CANX: variants seen among roughly 807,000 people sequenced by gnomAD.
The protein encoded by CANX is epididymis secretory sperm binding protein.
A neutral mutation model predicts 75.7 loss-of-function variants in CANX; 14 were observed. The observed-to-expected ratio is 0.19, with a 90% CI of 0.12 to 0.29. The LOEUF (loss-of-function observed/expected upper bound fraction) is 0.29, where lower values mean the gene tolerates loss of function less well. Ranked by LOEUF, CANX falls within the 10% of genes least tolerant of loss-of-function variation. The pLI is 1.00. For missense variants in CANX, 567 were observed against 713.2 expected, an observed-to-expected ratio of 0.79 and a Z score of 2.34; for synonymous variants, 227 against 236.9, an observed-to-expected ratio of 0.96 and a Z score of 0.38.
At position 179,702,829 on chromosome 5, in the gene CANX, G is replaced by C. The variant is rs187433450; in HGVS notation, c.-3-2850G>C. The stretch of plus-strand genomic sequence containing the variant: ...GTTGGCCAGGCTGCAGTGCAGTGGC[G>C]TGATTTCAACTCACACTGCAAACTC... On this transcript the variant is annotated intron_variant, in intron 1 of 14. Transcript: ENST00000247461. 5.3e-5 allele frequency among the ~76,000 whole-genome samples: 8 copies of C among 151,708 alleles called. No individual in the cohort carries two copies. The East Asian group carries it at 1.6e-3, about 29-fold the overall frequency.
chr5:179,690,881 T>A (rs1276771141), intron 1 of CANX, among the ~76,000 whole-genome samples: 1 of 151,548 alleles, frequency 6.6e-6, no homozygotes, highest in African/African-American at 2.4e-5. Flanking sequence ...AGAGTGAGAC[T>A]CTCTCAAAAA....
At chr5:179,723,628 G>C in intron 11 of CANX, 32 bp from the exon 12 acceptor site, 1 of 1,604,470 alleles carries the variant, frequency 6.2e-7, no homozygotes, top group Non-Finnish European at 8.5e-7. Flanking sequence ...TCAAAAGCTG[G>C]AACTTTCAAT....
chr5:179,679,158 G>A (rs898840513), intron 1 of CANX: 2 of 1,535,306 alleles, frequency 1.3e-6, no homozygotes, highest in African/African-American at 2.7e-5. Flanking sequence ...ACCTTGTAGG[G>A]CACGCAGGTG....
In CANX at chr5:179,730,443, C is replaced by T. The variant is rs1778927509; in HGVS notation, c.*1799C>T. 1 of 152,202 alleles carries T rather than the reference C, an allele frequency of 6.6e-6. No individual in the cohort carries two copies. Among genetic ancestry groups the T allele is most frequent in the African/African-American group, 2.4e-5 (1 of 41,440 alleles). 9.4% of individuals were successfully genotyped at this position (152,202 alleles called of 1,614,324 possible). Reference sequence around the variant, plus strand: ...ATTGATTACAAATAAACAGTTGTTACTTAGCAAGACCTGAAAATATGTCTG... The same window carrying T: ...ATTGATTACAAATAAACAGTTGTTATTTAGCAAGACCTGAAAATATGTCTG... On this transcript the variant is annotated 3_prime_UTR_variant, in exon 15 of 15. Transcript: ENST00000247461.
chr5:179,718,686 G>A (rs1000599928), intron 8 of CANX, among the ~76,000 whole-genome samples: 1 of 151,930 alleles, frequency 6.6e-6, no homozygotes, highest in Non-Finnish European at 1.5e-5. Context: ...GTGCCACCAC[G>A]CCCAGCTAAT....
At chr5:179,711,634 C>T (rs1001889505) in intron 7 of CANX, among the ~76,000 whole-genome samples, 1 of 149,922 alleles carries the variant, frequency 6.7e-6, no homozygotes, top group African/African-American at 2.5e-5. Flanking sequence ...ACTAAAAATA[C>T]AAAAATTAGC....
chr5:179,679,804 G>A (rs1186198704), intron 1 of CANX, among the ~76,000 whole-genome samples: 2 of 151,876 alleles, frequency 1.3e-5, no homozygotes, highest in Non-Finnish European at 2.9e-5. Flanking sequence ...GATTACAGGC[G>A]CCTGCCATCA....
Position 179,708,351 on chromosome 5 carries a change from C to T in CANX, c.417C>T (p.Phe139=), listed in dbSNP as rs1777302401. The change falls in exon 5 of 15, where the codon TTC becomes TTT. Residue 139 remains phenylalanine, a synonymous_variant. Coordinates refer to ENST00000247461, the MANE Select transcript of CANX (RefSeq NM_001746.4). ...HAISAKLNKP[F]LFDTKPLIVQ... is the part of the protein sequence containing the mutation. ...TCTCTGCTAAACTGAACAAGCCCTT[C>T]CTGTTTGACACCAAGCCTCTCATTG... 6.2e-7 allele frequency: 1 copy of T among 1,613,576 alleles called. No individual in the cohort carries two copies. The highest frequency in any genetic ancestry group is 8.5e-7 in the Non-Finnish European group (1 of 1,179,648).
chr5:179,698,055 G>T (rs528650014), upstream of CANX, among the ~76,000 whole-genome samples: 1 of 152,218 alleles, frequency 6.6e-6, no homozygotes, highest in African/African-American at 2.4e-5. Context: ...AAGCCTTTGG[G>T]TGTCCAAACA....
In CANX at chr5:179,679,229, G is replaced by A. The variant is rs763227704; in HGVS notation, c.-4+452G>A. ...GCTGCGCTCTTGTCTCGGGAGCCCG[G>A]ATGTCCAGAATGATGAAGGCGAGCC... On this transcript the variant is annotated intron_variant, in intron 1 of 14. Coordinates refer to the CANX transcript ENST00000681674. 106 of 1,533,024 alleles carry A rather than the reference G, an allele frequency of 6.9e-5. 1 individual carries two copies. In the South Asian group the frequency reaches 9.1e-4, roughly 13 times the overall value. The allele number at this position is 1,533,024 out of a possible 1,614,324, so 95.0% of individuals were successfully genotyped here.
chr5:179,723,558 T>C (rs1236529574), intron 11 of CANX, 102 bp from the exon 12 acceptor site: 1 of 1,155,238 alleles, frequency 8.7e-7, no homozygotes, highest in African/African-American at 1.6e-5. Context: ...AAAAAGAAGG[T>C]CCTGCGTAGT....
At chr5:179,686,634 T>G (rs1375243989) in intron 1 of CANX, among the ~76,000 whole-genome samples, 1 of 151,960 alleles carries the variant, frequency 6.6e-6, no homozygotes, top group Admixed American at 6.6e-5. Context: ...TGCTAACTTT[T>G]GTATTTTTTA....
At chr5:179,711,678 A>G (rs561495722) in intron 7 of CANX, among the ~76,000 whole-genome samples, 1 of 150,666 alleles carries the variant, frequency 6.6e-6, no homozygotes, top group South Asian at 2.1e-4. Flanking sequence ...AATCCCAGCT[A>G]CTCAGGAGGC....
chr5:179,689,387 T>G (rs908789941), intron 1 of CANX, among the ~76,000 whole-genome samples: 12 of 142,746 alleles, frequency 8.4e-5, no homozygotes, highest in Non-Finnish European at 1.5e-4. Flanking sequence ...AAGTTTTTTT[T>G]TTTTTTTTTT....
At chr5:179,704,767 C>T (rs1487688956) in intron 1 of CANX, among the ~76,000 whole-genome samples, 3 of 152,014 alleles carry the variant, frequency 2.0e-5, no homozygotes, top group Non-Finnish European at 2.9e-5. Flanking sequence ...ACCTGGGAGG[C>T]GGCGGTTGCA....
chr5:179,720,762 C>T (rs531337578), intron 10 of CANX, among the ~76,000 whole-genome samples: 39 of 151,832 alleles, frequency 2.6e-4, no homozygotes, highest in Admixed American at 3.9e-4. Context: ...GAATAACTTT[C>T]TTTAACTTTA....
intron 7 of CANX, among the ~76,000 whole-genome samples, chr5:179,714,091 C>T (rs955242471): frequency 9.9e-5 from 15 of 152,080 alleles, no homozygotes; most frequent in African/African-American, 3.4e-4. Context: ...TTCTGCCTCC[C>T]GGGTTCAAGC....
In CANX at chr5:179,724,782, T is replaced by TGGTA. The variant is rs768235318; in HGVS notation, c.1645_1645+3dup. 3.7e-6 allele frequency: 6 copies of TGGTA among 1,604,506 alleles called. No individual in the cohort carries two copies. The South Asian group carries it at 6.7e-5, about 18-fold the overall frequency. On this transcript the variant is annotated frameshift_variant and splice_region_variant, in exon 13 of 15. Transcript: ENST00000247461. LOFTEE classifies it high-confidence loss of function. ...AGGAGGAGGAAGGAGAAGAGAAACT[T>TGGTA]GGTAAGAAACAGAGTCCAGAAAATC...
chr5:179,684,275 G>T (rs1197429858), intron 1 of CANX, among the ~76,000 whole-genome samples: 8 of 152,088 alleles, frequency 5.3e-5, no homozygotes, highest in Admixed American at 5.3e-4. Flanking sequence ...TTGAGACGGG[G>T]TCTTACCGTG....
Sources: gnomAD v4.1 joint callset for allele counts (sites outside exome capture counted in the v4.1 genomes callset) on GRCh38, gnomAD v4.1.1 for gene constraint, MANE v1.5 for transcripts, NCBI Gene and HGNC (gene_info 2026-07-23, HGNC 2026-07-21) for gene names.